Variants in EEF2K observed in about 807,000 individuals in gnomAD.
EEF2K encodes eukaryotic elongation factor 2 kinase.
EEF2K carries 70 observed loss-of-function variants against 93.8 expected under a neutral mutation model. That is an observed-to-expected ratio of 0.75 (90% CI 0.62 to 0.91). The LOEUF is 0.91. EEF2K is among the 40% of genes least tolerant of loss of function. EEF2K has a pLI of 0.00. For missense variants in EEF2K, 935 were observed against 972.9 expected (o/e 0.96, Z 0.52); for synonymous variants, 376 against 380.8 (o/e 0.99, Z 0.15).
At chr16:22,240,643 TGAAAG>T (rs1402378051) in intron 2 of EEF2K, among the ~76,000 whole-genome samples, 5 of 152,188 alleles carry the variant, frequency 3.3e-5, no homozygotes, top group South Asian at 2.1e-4. Flanking sequence ...GTTCTGGAAA[TGAAAG>T]GAGGTTACCC....
chr16:22,281,093 A>T (rs1003632944), intron 17 of EEF2K, among the ~76,000 whole-genome samples: 1 of 146,214 alleles, frequency 6.8e-6, no homozygotes, highest in South Asian at 2.2e-4. Flanking sequence ...CACCCAGCTA[A>T]TTTTTCTGTT....
At chr16:22,273,265 C>A (rs536536146) in intron 15 of EEF2K, among the ~76,000 whole-genome samples, 18 of 152,252 alleles carry the variant, frequency 1.2e-4, no homozygotes, top group African/African-American at 4.3e-4. Flanking sequence ...TATTAAGAGG[C>A]GGTTTATGAA....
chr16:22,279,199 A>C (rs1363705013), intron 16 of EEF2K, among the ~76,000 whole-genome samples: 7 of 150,758 alleles, frequency 4.6e-5, no homozygotes, highest in Middle Eastern at 6.9e-3. Context: ...AATTGTTGTA[A>C]TATACTGATT....
At chr16:22,269,859 T>C (rs950812400) in intron 15 of EEF2K, among the ~76,000 whole-genome samples, 1 of 152,166 alleles carries the variant, frequency 6.6e-6, no homozygotes, top group African/African-American at 2.4e-5. Context: ...CCTCCAAAGT[T>C]AGCATCCTAC....
intron 6 of EEF2K, among the ~76,000 whole-genome samples, chr16:22,254,391 C>T (rs764174466): frequency 6.6e-6 from 1 of 152,128 alleles, no homozygotes; most frequent in African/African-American, 2.4e-5. Flanking sequence ...GGCAAGTTCT[C>T]ACCTCTCAGA....
chr16:22,284,770 G>C lies in EEF2K; in HGVS notation c.*774G>C, dbSNP rs983034032. On this transcript the variant is annotated 3_prime_UTR_variant, in exon 18 of 18. Transcript: ENST00000263026. ...ATGAGAAATGAAGCACTTCACGCTG[G>C]CTTTCCTAAGTCACGGGGCGTGTAT... 1 of 152,050 alleles carries C rather than the reference G, an allele frequency of 6.6e-6. No individual in the cohort carries two copies. Among genetic ancestry groups the C allele is most frequent in the Non-Finnish European group, 1.5e-5 (1 of 68,020 alleles). 9.4% of individuals were successfully genotyped at this position (152,050 alleles called of 1,614,324 possible).
At chr16:22,224,620 G>A (rs2047044285) in intron 1 of EEF2K, among the ~76,000 whole-genome samples, 1 of 148,070 alleles carries the variant, frequency 6.8e-6, no homozygotes, top group Admixed American at 6.8e-5. Context: ...CTGGATGACA[G>A]AGCAAGATTC....
chr16:22,265,989 G>T (rs775575588), intron 13 of EEF2K, among the ~76,000 whole-genome samples: 1 of 152,114 alleles, frequency 6.6e-6, no homozygotes, highest in Non-Finnish European at 1.5e-5. Flanking sequence ...ATGGGGAAGC[G>T]CTTCCTTGAG....
chr16:22,217,740 A>G (rs1458331757), intron 1 of EEF2K, among the ~76,000 whole-genome samples: 1 of 152,168 alleles, frequency 6.6e-6, no homozygotes, highest in East Asian at 1.9e-4. Flanking sequence ...GGCGTGAGCC[A>G]CCGTGCCTGG....
chr16:22,232,881 G>GT lies in EEF2K; in HGVS notation c.246+6916dup, dbSNP rs111967544. Among the ~76,000 whole-genome samples the GT allele has an allele frequency of 3.6e-3, 539 of 149,566 alleles. 19 individuals carry two copies. The South Asian group carries it at 0.084, about 23-fold the overall frequency. On this transcript the variant is annotated intron_variant, in intron 2 of 17. Coordinates refer to ENST00000263026, the MANE Select transcript of EEF2K (RefSeq NM_013302.5). ...CCTCAGCATCCCATAAACCTAAGTGGTTTTTTTTTTAACGCACTGTGACCT... is the reference window on the plus strand; with the variant it reads ...CCTCAGCATCCCATAAACCTAAGTGGTTTTTTTTTTTAACGCACTGTGACCT...
At chr16:22,247,159 G>A (rs1456083917) in intron 3 of EEF2K, among the ~76,000 whole-genome samples, 1 of 150,790 alleles carries the variant, frequency 6.6e-6, no homozygotes, top group African/African-American at 2.4e-5. Context: ...TATTACTCTA[G>A]GCCAGGCGCA....
At chr16:22,225,257 C>T (rs182130598) in intron 1 of EEF2K, among the ~76,000 whole-genome samples, 1 of 152,262 alleles carries the variant, frequency 6.6e-6, no homozygotes, top group East Asian at 1.9e-4. Context: ...AAGTGGGCAG[C>T]ACGCTAGATG....
At chr16:22,273,602 T>C in intron 15 of EEF2K, 24 bp from the exon 16 acceptor site, 1 of 1,612,506 alleles carries the variant, frequency 6.2e-7, no homozygotes, top group Non-Finnish European at 8.5e-7. Flanking sequence ...CTCTTCTTTC[T>C]CCCTCTTTGG....
chr16:22,263,756 G>A (rs898964203), intron 12 of EEF2K, among the ~76,000 whole-genome samples: 2 of 152,202 alleles, frequency 1.3e-5, no homozygotes, highest in African/African-American at 4.8e-5. Flanking sequence ...TGGGAGTCCT[G>A]GGCTGCTGAG....
intron 2 of EEF2K, among the ~76,000 whole-genome samples, chr16:22,231,990 TAAAC>T (rs201307962): frequency 9.7e-5 from 5 of 51,662 alleles, no homozygotes; most frequent in Non-Finnish European, 1.9e-4. Context: ...AACTCTGTCT[TAAAC>T]AAACAAAAAA....
At chr16:22,253,524 T>G in intron 6 of EEF2K, among the ~76,000 whole-genome samples, 1 of 152,116 alleles carries the variant, frequency 6.6e-6, no homozygotes, top group East Asian at 1.9e-4. Flanking sequence ...GGGCATCTTG[T>G]GTCACCGTAA....
chr16:22,241,648 A>AAAC lies in EEF2K; in HGVS notation c.247-2980_247-2979insCAA, dbSNP rs1465961880. 1.7e-4 allele frequency among the ~76,000 whole-genome samples: 25 copies of AAAC among 151,488 alleles called. No individual in the cohort carries two copies. In the East Asian group the frequency reaches 4.1e-3, roughly 25 times the overall value. On this transcript the variant is annotated intron_variant, in intron 2 of 17. Coordinates refer to ENST00000263026, the MANE Select transcript of EEF2K (RefSeq NM_013302.5). Reference sequence around the variant, plus strand: ...AGGGAGACTGTCTCAAAAAAAAAAAAAAAAAAAAAAAAAACATATAGAAGA... The same window carrying AAAC: ...AGGGAGACTGTCTCAAAAAAAAAAAAAACAAAAAAAAAAAAAACATATAGAAGA...
intron 1 of EEF2K, among the ~76,000 whole-genome samples, chr16:22,208,420 G>T (rs1280327295): frequency 1.3e-5 from 2 of 152,178 alleles, no homozygotes; most frequent in Non-Finnish European, 2.9e-5. Context: ...CTACTCGGGA[G>T]GCTGAGGCAG....
intron 2 of EEF2K, among the ~76,000 whole-genome samples, chr16:22,241,128 G>T (rs2047218182): frequency 6.6e-6 from 1 of 152,090 alleles, no homozygotes; most frequent in African/African-American, 2.4e-5. Flanking sequence ...TTTGCAGAAT[G>T]TCTACATCAA....
Sources: allele counts gnomAD v4.1 joint callset (sites outside exome capture counted in the v4.1 genomes callset), GRCh38; gene constraint gnomAD v4.1.1; transcripts MANE v1.5; gene names NCBI Gene and HGNC (gene_info 2026-07-23, HGNC 2026-07-21).